Variants in ITGA2 observed in about 807,000 individuals in gnomAD.
ITGA2 encodes the protein integrin subunit alpha 2, also known as integrin alpha-2.
In ITGA2, 101 loss-of-function variants were observed where a neutral mutation model predicts 146.3. The observed-to-expected ratio is 0.69, with a 90% confidence interval of 0.59 to 0.81. The LOEUF is 0.81. Among genes scored for constraint, ITGA2 ranks in the 40% least tolerant of loss-of-function variants. ITGA2 has a pLI of 0.00. For missense variants in ITGA2, 1,281 were observed against 1,402.7 expected, an observed-to-expected ratio of 0.91 and a Z score of 1.39; for synonymous variants, 477 against 487.1, an observed-to-expected ratio of 0.98 and a Z score of 0.27.
intron 2 of ITGA2, among the ~76,000 whole-genome samples, chr5:53,035,015 A>G (rs922581283): frequency 2.0e-5 from 3 of 152,240 alleles, no homozygotes; most frequent in African/African-American, 7.2e-5. Flanking sequence ...ACTTGACCTC[A>G]CAGAGTGTTT....
intron 2 of ITGA2, among the ~76,000 whole-genome samples, chr5:53,033,136 GCAGGCACCT>G (rs1743313788): frequency 6.6e-6 from 1 of 151,814 alleles, no homozygotes; most frequent in Non-Finnish European, 1.5e-5. Context: ...GGGCGTGGTG[GCAGGCACCT>G]GTAATCCCAG....
intron 1 of ITGA2, among the ~76,000 whole-genome samples, chr5:53,005,208 G>C (rs1445670070): frequency 6.6e-6 from 1 of 151,796 alleles, no homozygotes; most frequent in Non-Finnish European, 1.5e-5. Context: ...TATTTTCTTG[G>C]CTTTTGTGGT....
intron 12 of ITGA2, 59 bp downstream of exon 12, chr5:53,061,105 G>A: frequency 1.3e-6 from 2 of 1,560,170 alleles, no homozygotes; most frequent in South Asian, 2.2e-5. Context: ...CAGGTGGGGA[G>A]TCAGGTGAAC....
Position 53,070,239 on chromosome 5 carries a change from C to T in ITGA2, c.2214C>T (p.Pro738=), listed in dbSNP as rs142557473. Residue 738 remains proline, a synonymous_variant, in exon 17 of 30, where the codon CCC becomes CCT. Coordinates refer to ENST00000296585, the MANE Select transcript of ITGA2 (RefSeq NM_002203.4). ...TAGTAAATCAAGCACAGAGTTGCCC[C>T]GAGCACATCATTTATATACAGGTAA... ...NMVVNQAQSC[P]EHIIYIQEPS... 3.7e-6 allele frequency: 6 copies of T among 1,611,572 alleles called. No homozygotes were observed. The highest frequency in any genetic ancestry group is 1.7e-5 in the Admixed American group (1 of 59,800).
chr5:52,991,315 G>A (rs559071937), intron 1 of ITGA2, among the ~76,000 whole-genome samples: 1 of 152,164 alleles, frequency 6.6e-6, no homozygotes, highest in African/African-American at 2.4e-5. Context: ...GGTACCATGA[G>A]TATCCCAGGT....
At chr5:53,013,388 G>A (rs77821071) in intron 1 of ITGA2, among the ~76,000 whole-genome samples, 1 of 104,848 alleles carries the variant, frequency 9.5e-6, no homozygotes, top group Non-Finnish European at 2.0e-5. Flanking sequence ...TTTTTTTTTT[G>A]TCAACTTTGT....
intron 2 of ITGA2, among the ~76,000 whole-genome samples, chr5:53,027,246 G>A (rs1742993325): frequency 6.6e-6 from 1 of 152,088 alleles, no homozygotes; most frequent in Admixed American, 6.5e-5. Context: ...GCTATCTCTG[G>A]ACCATTTCTA....
intron 2 of ITGA2, among the ~76,000 whole-genome samples, chr5:53,034,890 T>C (rs1743408768): frequency 6.6e-6 from 1 of 152,180 alleles, no homozygotes; most frequent in African/African-American, 2.4e-5. Context: ...GAACTTAATA[T>C]GGTAAAAAGA....
In ITGA2 at chr5:53,055,647, G is replaced by T; in HGVS notation, c.889G>T (p.Asp297Tyr). The change falls in exon 8 of 30, where the codon GAT (aspartate) becomes TAT (tyrosine). Residue 297 changes from aspartate to tyrosine, a missense_variant. By Grantham distance (160) the Asp-to-Tyr change is radical. This residue lies in a region of ITGA2 where 795 missense variants were observed against 841.7 expected (regional missense o/e 0.94). Transcript: ENST00000296585. ...HDGSMLKAVI[D>Y]QCNHDNILRF... ...TGGTTCAATGTTGAAAGCTGTGATT[G>T]ATCAATGCAACCATGACAATATACT... 3 of 1,613,314 alleles carry T rather than the reference G, an allele frequency of 1.9e-6. No individual in the cohort carries two copies. Among genetic ancestry groups the T allele is most frequent in the Non-Finnish European group, 2.5e-6 (3 of 1,179,472 alleles).
intron 1 of ITGA2, among the ~76,000 whole-genome samples, chr5:53,018,922 G>C (rs1357706909): frequency 4.6e-5 from 7 of 151,932 alleles, no homozygotes; most frequent in African/African-American, 1.7e-4. Context: ...AAATTAGCAG[G>C]GCGTGGTGGT....
chr5:53,019,528 C>CTTAT (rs1742564136), intron 1 of ITGA2, among the ~76,000 whole-genome samples: 1 of 151,708 alleles, frequency 6.6e-6, no homozygotes, highest in African/African-American at 2.4e-5. Context: ...CTGAGTCACC[C>CTTAT]TTATTTATTT....
chr5:52,993,582 G>A (rs10065679), intron 1 of ITGA2, among the ~76,000 whole-genome samples: 1,760 of 152,270 alleles, frequency 0.012, 37 homozygotes, highest in African/African-American at 0.04. Flanking sequence ...AATTCCTTCC[G>A]AAGTGGATGA....
chr5:53,017,760 TG>T (rs1202845991), intron 1 of ITGA2, among the ~76,000 whole-genome samples: 3 of 151,992 alleles, frequency 2.0e-5, no homozygotes, highest in Non-Finnish European at 2.9e-5. Flanking sequence ...ACACATCAGC[TG>T]GGGGTATGGT....
chr5:53,036,956 T>G (rs955030766), intron 2 of ITGA2, among the ~76,000 whole-genome samples: 1 of 152,174 alleles, frequency 6.6e-6, no homozygotes, highest in Non-Finnish European at 1.5e-5. Context: ...TAAAATTGAA[T>G]AAAACAAAAT....
At position 53,073,299 on chromosome 5, in the gene ITGA2, CTACT is replaced by C. The variant is rs750813539; in HGVS notation, c.2571+43_2571+46del. On this transcript the variant is annotated intron_variant, in intron 20 of 29. Transcript: ENST00000296585. ...CCTGTACTTACTTCCACCATGCTTC[CTACT>C]TATAGATCACTGTCTTCTCTATGTC... The C allele has an allele frequency of 8.7e-6, 14 of 1,603,836 alleles. No homozygotes were observed. In the East Asian group the frequency reaches 2.2e-4, roughly 26 times the overall value.
intron 3 of ITGA2, among the ~76,000 whole-genome samples, chr5:53,043,597 C>T (rs1051807663): frequency 2.6e-5 from 4 of 151,842 alleles, no homozygotes; most frequent in African/African-American, 7.3e-5. Context: ...GAAAGTTGAC[C>T]TCCATTTCCA....
In ITGA2 at chr5:53,083,446, T is replaced by C. The variant is rs1208849761; in HGVS notation, c.3251T>C (p.Phe1084Ser). 5 of 1,565,026 alleles carry C rather than the reference T, an allele frequency of 3.2e-6. No individual in the cohort carries two copies. In the African/African-American group the frequency reaches 6.8e-5, roughly 21 times the overall value. The change falls in exon 27 of 30, where the codon TTC becomes TCC. Residue 1084 changes from phenylalanine (F) to serine (S), a missense_variant. Transcript: ENST00000296585. ...ACTACCAGAATTTGGAACGGGACTT[T>C]CGCATCAGTAAGTATCAGTTTTATT... Reference protein sequence around the residue: ...NVTTRIWNGTFASSTFQTVQL... With the variant: ...NVTTRIWNGTSASSTFQTVQL...
At chr5:53,087,623 A>C (rs1219085594) in intron 28 of ITGA2, among the ~76,000 whole-genome samples, 3 of 128,880 alleles carry the variant, frequency 2.3e-5, no homozygotes, top group African/African-American at 8.6e-5. Flanking sequence ...GGTCCCCTTG[A>C]TAAAAAAAAA....
At chr5:53,012,708 G>A (rs1742198629) in intron 1 of ITGA2, among the ~76,000 whole-genome samples, 2 of 152,020 alleles carry the variant, frequency 1.3e-5, no homozygotes, top group Non-Finnish European at 2.9e-5. Context: ...ACTAATTTAC[G>A]TTCCCACCAG....
Sources: allele counts gnomAD v4.1 joint callset (sites outside exome capture counted in the v4.1 genomes callset), GRCh38; gene constraint gnomAD v4.1.1; regional missense constraint gnomAD v4.1.1; transcripts MANE v1.5; gene names NCBI Gene and HGNC (gene_info 2026-07-23, HGNC 2026-07-21).